The following NTM variants were observed in gnomAD, a reference collection of about 807,000 sequenced individuals.
NTM encodes IgLON family member 2.
NTM carries 13 observed loss-of-function variants against 42.1 expected under a neutral mutation model. The observed-to-expected ratio is 0.31, with a 90% CI of 0.20 to 0.49. The LOEUF (loss-of-function observed/expected upper bound fraction) is 0.49, where lower values mean the gene tolerates loss of function less well. Ranked by LOEUF, NTM falls within the 20% of genes least tolerant of loss-of-function variation. The pLI is 0.99. For synonymous variants in NTM, 187 were observed against 179.2 expected, an observed-to-expected ratio of 1.04 and a Z score of -0.35; for missense variants, 373 against 452.8, an observed-to-expected ratio of 0.82 and a Z score of 1.60.
chr11:132,188,946 C>A (rs182408884), intron 3 of NTM, among the ~76,000 whole-genome samples: 2 of 152,232 alleles, frequency 1.3e-5, no homozygotes, highest in East Asian at 3.9e-4. Context: ...GAGTTTATAT[C>A]TGGAGTTATA....
chr11:131,901,100 C>T (rs2053096250), intron 1 of NTM, among the ~76,000 whole-genome samples: 1 of 152,184 alleles, frequency 6.6e-6, no homozygotes, highest in African/African-American at 2.4e-5. Flanking sequence ...AGGCCAGGTA[C>T]TTCACTGGTA....
intron 1 of NTM, among the ~76,000 whole-genome samples, chr11:131,802,558 A>G (rs543019491): frequency 6.6e-6 from 1 of 152,080 alleles, no homozygotes; most frequent in Non-Finnish European, 1.5e-5. Flanking sequence ...GGACAGAAGG[A>G]TTGCCTGGTA....
chr11:131,908,479 C>T (rs973231729), intron 1 of NTM, among the ~76,000 whole-genome samples: 1 of 152,224 alleles, frequency 6.6e-6, no homozygotes, highest in African/African-American at 2.4e-5. Flanking sequence ...TATCATGAAT[C>T]ATCCCTGCCA....
At chr11:131,876,447 A>G (rs1185578405) in intron 1 of NTM, among the ~76,000 whole-genome samples, 1 of 152,232 alleles carries the variant, frequency 6.6e-6, no homozygotes, top group Non-Finnish European at 1.5e-5. Flanking sequence ...GCTTGGTCTC[A>G]GGTGCCTGGT....
chr11:132,263,136 G>T (rs2092969444), intron 4 of NTM, among the ~76,000 whole-genome samples: 1 of 152,172 alleles, frequency 6.6e-6, no homozygotes, highest in Admixed American at 6.5e-5. Flanking sequence ...GACCCAGTGG[G>T]GTGGCAGTCC....
intron 1 of NTM, among the ~76,000 whole-genome samples, chr11:131,900,925 T>C (rs2053066736): frequency 6.6e-6 from 1 of 152,226 alleles, no homozygotes; most frequent in Non-Finnish European, 1.5e-5. Flanking sequence ...ACTTGTTTTT[T>C]GGCAAAAATT....
rs375879271 is a variant in NTM at position 132,109,676 on chromosome 11, C to T, written c.168-36606C>T. Among the ~76,000 whole-genome samples, 8 of 152,140 alleles carry T rather than the reference C, an allele frequency of 5.3e-5. No homozygotes were observed. The East Asian group carries it at 1.3e-3, about 26-fold the overall frequency. On this transcript the variant is annotated intron_variant, in intron 2 of 8. Coordinates refer to ENST00000683400, the MANE Select transcript of NTM (RefSeq NM_001352005.2). ...CACTGTGTCCCACTGGGCCTCTTGG[C>T]CAGCCATGCTGCTCTCCTCTCGGCT...
chr11:131,894,747 A>G (rs751129774), intron 1 of NTM, among the ~76,000 whole-genome samples: 2 of 152,124 alleles, frequency 1.3e-5, no homozygotes, highest in Non-Finnish European at 2.9e-5. Flanking sequence ...GAGGTTGTTC[A>G]TCCTCCTCCC....
At chr11:132,084,322 T>G (rs887893612) in intron 2 of NTM, among the ~76,000 whole-genome samples, 89 of 152,176 alleles carry the variant, frequency 5.8e-4, no homozygotes, top group Non-Finnish European at 8.8e-5. Flanking sequence ...CCCTTAATTA[T>G]GATTGATAGC....
intron 2 of NTM, among the ~76,000 whole-genome samples, chr11:132,088,897 G>GT (rs979773950): frequency 8.1e-6 from 1 of 123,904 alleles, no homozygotes; most frequent in African/African-American, 3.5e-5. Flanking sequence ...AGAAAAATGG[G>GT]TCCCCTTTAA....
chr11:132,103,649 C>G (rs960916021), intron 2 of NTM, among the ~76,000 whole-genome samples: 9 of 152,334 alleles, frequency 5.9e-5, no homozygotes, highest in Admixed American at 5.9e-4. Context: ...ATTTCTGCAG[C>G]TTCTGCATGT....
At chr11:131,929,976 CT>C (rs1240432835) in intron 2 of NTM, among the ~76,000 whole-genome samples, 1 of 152,182 alleles carries the variant, frequency 6.6e-6, no homozygotes, top group East Asian at 1.9e-4. Flanking sequence ...CTTTTAAACA[CT>C]TTTTCATTGC....
At chr11:131,924,755 A>G (rs2057721330) in intron 2 of NTM, among the ~76,000 whole-genome samples, 1 of 152,218 alleles carries the variant, frequency 6.6e-6, no homozygotes, top group Admixed American at 6.5e-5. Context: ...ATTATTACCT[A>G]AAGAAAAAAC....
intron 1 of NTM, among the ~76,000 whole-genome samples, chr11:131,467,764 G>C (rs781203317): frequency 3.9e-5 from 6 of 152,322 alleles, no homozygotes; most frequent in South Asian, 4.1e-4. Context: ...TATTTTGGTG[G>C]AGTGTGTGCT....
At chr11:131,942,265 A>C (rs935707011) in intron 2 of NTM, among the ~76,000 whole-genome samples, 1 of 152,188 alleles carries the variant, frequency 6.6e-6, no homozygotes, top group African/African-American at 2.4e-5. Flanking sequence ...AACACATATT[A>C]ATTCTTACTT....
intron 2 of NTM, among the ~76,000 whole-genome samples, chr11:131,994,786 T>A (rs1211928730): frequency 6.6e-6 from 1 of 152,144 alleles, no homozygotes; most frequent in Non-Finnish European, 1.5e-5. Context: ...TGTTTGGATA[T>A]TTCCCCCATA....
At chr11:131,811,855 A>G (rs762407641) in intron 1 of NTM, among the ~76,000 whole-genome samples, 4 of 152,228 alleles carry the variant, frequency 2.6e-5, no homozygotes, top group Non-Finnish European at 5.9e-5. Flanking sequence ...GGAATTTGCA[A>G]TGGCCTCTAA....
chr11:131,445,090 T>C (rs1009455028), intron 1 of NTM, among the ~76,000 whole-genome samples: 7 of 152,224 alleles, frequency 4.6e-5, no homozygotes, highest in Non-Finnish European at 1.0e-4. Context: ...TCTATCCTAT[T>C]TGTATGATGA....
intron 4 of NTM, among the ~76,000 whole-genome samples, chr11:132,253,886 C>A (rs2092233946): frequency 6.6e-6 from 1 of 152,206 alleles, no homozygotes; most frequent in Admixed American, 6.5e-5. Context: ...TCCTTTCCAT[C>A]TGCATATACT....
Sources: allele counts gnomAD v4.1 joint callset (sites outside exome capture counted in the v4.1 genomes callset), GRCh38; gene constraint gnomAD v4.1.1; transcripts MANE v1.5; gene names NCBI Gene and HGNC (gene_info 2026-07-23, HGNC 2026-07-21).